Variants in SPATA22 observed in about 807,000 individuals in gnomAD.
SPATA22 encodes spermatogenesis associated 22, also known as spermatogenesis-associated protein 22.
Under a neutral mutation model 47.8 loss-of-function variants are expected in SPATA22, and 29 were observed. That is an observed-to-expected ratio of 0.61 (90% CI 0.45 to 0.83). The LOEUF (loss-of-function observed/expected upper bound fraction) is 0.83. Ranked by LOEUF, SPATA22 falls within the 40% of genes least tolerant of loss-of-function variation. The probability of loss-of-function intolerance (pLI) is 0.00; values close to 1 mark genes in which losing one functional copy is unlikely to be tolerated. For missense variants in SPATA22, 410 were observed against 421.7 expected, an observed-to-expected ratio of 0.97 and a Z score of 0.24; for synonymous variants, 133 against 140.9, an observed-to-expected ratio of 0.94 and a Z score of 0.40.
chr17:3,513,828 A>C (rs887174678), exon 1 of SPATA22: 1 of 1,142,734 alleles, frequency 8.8e-7, no homozygotes, highest in South Asian at 1.3e-5. Flanking sequence ...GCCGGACTCC[A>C]CCATCCCTCA....
chr17:3,449,849 C>T (rs929293152), intron 5 of SPATA22, among the ~76,000 whole-genome samples: 11 of 151,806 alleles, frequency 7.2e-5, no homozygotes, highest in Admixed American at 4.6e-4. Context: ...GTCTAAGTCA[C>T]GAATTTTTTT....
intron 1 of SPATA22, among the ~76,000 whole-genome samples, chr17:3,487,283 TA>T (rs1252987959): frequency 6.6e-6 from 1 of 152,252 alleles, no homozygotes; most frequent in African/African-American, 2.4e-5. Context: ...ATTGTCTCTC[TA>T]ATGTTAAACA....
rs2150750445 is a variant in SPATA22, at chr17:3,485,742, T to C, written c.-73-16344A>G. On this transcript the variant is annotated intron_variant, in intron 1 of 8. Transcript: ENST00000541913. This position sits in a 1 kb window ranked among gnomAD's most constrained non-coding sequence, Gnocchi z 4.4. ...CCGACTTACAAGCTAACCATTAGCC[T>C]AGCACCTCTGAGTGGATGCCAGTAG... Among the ~76,000 whole-genome samples, 1 of 152,304 alleles carries C rather than the reference T, an allele frequency of 6.6e-6. No individual in the cohort carries two copies. The highest frequency in any genetic ancestry group is 2.4e-5 in the African/African-American group (1 of 41,566).
rs12948217 is a variant in SPATA22 at position 3,494,408 on chromosome 17, C to T, written c.-74+19004G>A. 0.29 allele frequency: 462,362 copies of T among 1,609,446 alleles called. 69,580 individuals carry two copies. The highest frequency in any genetic ancestry group is 0.31 in the Non-Finnish European group (362,678 of 1,175,950). On this transcript the variant is annotated intron_variant, in intron 1 of 8. Transcript: ENST00000541913. ...ATAAAATTATAGAGAAAGTTGATTA[C>T]CCCCGGGATGAAAATGGAGAAATTG... is the stretch of plus-strand genomic sequence containing the variant.
chr17:3,494,815 A>G (rs1168749505), intron 1 of SPATA22, among the ~76,000 whole-genome samples: 1 of 152,194 alleles, frequency 6.6e-6, no homozygotes, highest in Non-Finnish European at 1.5e-5. Context: ...TGAAACTCCT[A>G]CCCACATTCA....
chr17:3,495,583 T>C (rs2073895531), intron 1 of SPATA22, among the ~76,000 whole-genome samples: 1 of 129,204 alleles, frequency 7.7e-6, no homozygotes, highest in Non-Finnish European at 1.7e-5. Flanking sequence ...TGTTTTTGTT[T>C]TTTGAGATGG....
rs148792549 is a variant in SPATA22 at position 3,446,426 on chromosome 17, T to C, written c.802+46A>G. ...AGGACTAATCAGACATTAAAACCTG[T>C]CCTCCAGAGAGTATTACTGAAGTAT... On this transcript the variant is annotated intron_variant, in intron 7 of 8. Transcript: ENST00000572969. 1.4e-4 allele frequency: 215 copies of C among 1,552,900 alleles called. No individual in the cohort carries two copies. In the African/African-American group the frequency reaches 2.5e-3, roughly 18 times the overall value.
intron 3 of SPATA22, among the ~76,000 whole-genome samples, chr17:3,466,848 A>C (rs1020924642): frequency 9.9e-5 from 15 of 152,148 alleles, no homozygotes; most frequent in Admixed American, 2.6e-4. Flanking sequence ...TTACCTCCTG[A>C]AGGCCCCACA....
intron 4 of SPATA22, 56 bp downstream of exon 4, chr17:3,462,651 G>C (rs1201631715): frequency 6.4e-7 from 1 of 1,572,088 alleles, no homozygotes; most frequent in Non-Finnish European, 8.8e-7. Flanking sequence ...ATACGTAGAA[G>C]AACAACATCA....
At position 3,489,114 on chromosome 17, in the gene SPATA22, A is replaced by C. The variant is rs2073776473; in HGVS notation, c.-73-19716T>G. On this transcript the variant is annotated intron_variant, in intron 1 of 8. Coordinates refer to the SPATA22 transcript ENST00000541913. Reference sequence around the variant, plus strand: ...TCTCAAATATTTTCCATGATGCTACATGGTTTACCTTTTTAATAATTTTAA... The same window carrying C: ...TCTCAAATATTTTCCATGATGCTACCTGGTTTACCTTTTTAATAATTTTAA... 4.3e-6 allele frequency: 3 copies of C among 690,702 alleles called. No individual in the cohort carries two copies. In the East Asian group the frequency reaches 8.4e-5, roughly 19 times the overall value. 42.8% of individuals were successfully genotyped at this position (690,702 alleles called of 1,614,324 possible).
chr17:3,485,902 T>A lies in SPATA22; in HGVS notation c.-73-16504A>T, dbSNP rs2150750579. 1.3e-5 allele frequency among the ~76,000 whole-genome samples: 2 copies of A among 151,374 alleles called. No individual in the cohort carries two copies. Among genetic ancestry groups the A allele is most frequent in the East Asian group, 3.9e-4 (2 of 5,134 alleles). ...CATAGAGAGAGCCAGATGGCAGCTATCCATGCCAGTGGTTGCATTCTAGGA... is the reference window on the plus strand; with the variant it reads ...CATAGAGAGAGCCAGATGGCAGCTAACCATGCCAGTGGTTGCATTCTAGGA... On this transcript the variant is annotated intron_variant, in intron 1 of 8. Coordinates refer to the SPATA22 transcript ENST00000541913. The surrounding 1 kb of genome is among the most constrained non-coding windows in gnomAD (Gnocchi z 4.4).
At chr17:3,513,797 C>T in exon 1 of SPATA22, 1 of 831,124 alleles carries the variant, frequency 1.2e-6, no homozygotes, top group Non-Finnish European at 2.0e-6. Flanking sequence ...CGAGGGTGCA[C>T]TCTGCTTCTA....
upstream of SPATA22, chr17:3,471,972 C>G (rs1344631251): frequency 1.8e-6 from 1 of 571,304 alleles, no homozygotes; most frequent in Non-Finnish European, 2.2e-6. Context: ...AGGGATGGCT[C>G]CAGCTCCTTA....
intron 3 of SPATA22, among the ~76,000 whole-genome samples, chr17:3,465,154 TGG>T (rs779866163): frequency 0.27 from 31,813 of 117,230 alleles, 5,389 homozygotes; most frequent in East Asian, 0.48. Flanking sequence ...GGGAGGGAGG[TGG>T]GGGGGTCAGC....
At chr17:3,474,777 G>A (rs751567799), upstream of SPATA22, among the ~76,000 whole-genome samples, 46 of 152,174 alleles carry the variant, frequency 3.0e-4, no homozygotes, top group Non-Finnish European at 3.5e-4. Flanking sequence ...ACACTGTAAT[G>A]GCTGTTTATG....
chr17:3,458,853 C>CACAAAAAAAAAAAAAAAA, intron 5 of SPATA22, among the ~76,000 whole-genome samples: 1 of 4,714 alleles, frequency 2.1e-4, no homozygotes, highest in Non-Finnish European at 6.3e-4. Flanking sequence ...AGCGAAACTT[C>CACAAAAAAAAAAAAAAAA]ACAAAAAAAA....
Position 3,494,355 on chromosome 17 carries a change from G to T in SPATA22, c.-74+19057C>A, listed in dbSNP as rs1057516416. On this transcript the variant is annotated intron_variant, in intron 1 of 8. Transcript: ENST00000541913. ...ACATATTGTTTTTGTCATAGGAAAA[G>T]AATTTCCTCCCTGCGCCATTGAGGT... 1 of 1,606,016 alleles carries T rather than the reference G, an allele frequency of 6.2e-7. No homozygotes were observed. The highest frequency in any genetic ancestry group is 8.5e-7 in the Non-Finnish European group (1 of 1,172,622).
At chr17:3,487,636 A>C (rs1450820406) in intron 1 of SPATA22, among the ~76,000 whole-genome samples, 1 of 152,198 alleles carries the variant, frequency 6.6e-6, no homozygotes, top group Non-Finnish European at 1.5e-5. Context: ...TATTTAGCTT[A>C]CTCTAATTCC....
intron 3 of SPATA22, among the ~76,000 whole-genome samples, chr17:3,463,294 CAT>C (rs1169575146): frequency 2.0e-5 from 3 of 152,152 alleles, no homozygotes; most frequent in African/African-American, 7.2e-5. Flanking sequence ...GTGCAAACAA[CAT>C]AGAGTGTACT....
Sources: gnomAD v4.1 joint callset for allele counts (sites outside exome capture counted in the v4.1 genomes callset) on GRCh38, gnomAD v4.1.1 for gene constraint, Gnocchi (gnomAD v3.1) non-coding constraint, MANE v1.5 for transcripts, NCBI Gene and HGNC (gene_info 2026-07-23, HGNC 2026-07-21) for gene names.